Variants in ANK2 observed in about 807,000 individuals in gnomAD.
ANK2 encodes the protein ankyrin 2.
A neutral mutation model predicts 360.5 loss-of-function variants in ANK2; 83 were observed. The ratio of observed to expected loss-of-function variants is 0.23; its 90% CI spans 0.19 to 0.28. The LOEUF (loss-of-function observed/expected upper bound fraction) is 0.28, where lower values mean the gene tolerates loss of function less well. Ranked by LOEUF, ANK2 falls within the 10% of genes least tolerant of loss-of-function variation. The probability of loss-of-function intolerance (pLI) is 1.00; values close to 1 mark genes in which losing one functional copy is unlikely to be tolerated. For synonymous variants in ANK2, 1,740 were observed against 1,759.5 expected, an observed-to-expected ratio of 0.99 and a Z score of 0.28; for missense variants, 4,201 against 4,795.7, an observed-to-expected ratio of 0.88 and a Z score of 3.66.
At chr4:113,372,218 T>C (rs1330859959) in intron 43 of ANK2, among the ~76,000 whole-genome samples, 3 of 152,164 alleles carry the variant, frequency 2.0e-5, no homozygotes, top group Non-Finnish European at 4.4e-5. Context: ...GCTTTTTTTT[T>C]AGGAGTTTAA....
chr4:113,293,530 A>G lies in ANK2; in HGVS notation c.2467A>G (p.Thr823Ala). 6.2e-7 allele frequency: 1 copy of G among 1,612,726 alleles called. No individual in the cohort carries two copies. The highest frequency in any genetic ancestry group is 8.5e-7 in the Non-Finnish European group (1 of 1,179,446). ...LKVVTEEVTT[T>A]TTTITEKHKL... is the part of the protein sequence containing the mutation. ...GGTTGTGACTGAGGAGGTCACCACC[A>G]CCACCACAGTGAGTATGAGTGACTG... Residue 823 changes from threonine to alanine, a missense_variant, in exon 22 of 46, where the codon ACC (threonine) becomes GCC (alanine). Transcript: ENST00000357077.
At chr4:113,281,401 A>G (rs2062295963) in intron 17 of ANK2, among the ~76,000 whole-genome samples, 2 of 151,958 alleles carry the variant, frequency 1.3e-5, no homozygotes, top group Non-Finnish European at 2.9e-5. Flanking sequence ...TTAGCCAGTC[A>G]TGGTGGTGTG....
At chr4:113,313,476 C>G (rs188268207) in intron 24 of ANK2, among the ~76,000 whole-genome samples, 1 of 152,154 alleles carries the variant, frequency 6.6e-6, no homozygotes, top group Non-Finnish European at 1.5e-5. Context: ...ATGAAACAAA[C>G]AAGACATACT....
chr4:113,341,639 A>C, intron 32 of ANK2, 49 bp from the exon 33 acceptor site: 1 of 1,582,662 alleles, frequency 6.3e-7, no homozygotes, highest in African/African-American at 1.3e-5. Context: ...TTTATTTTTC[A>C]CATGGTATAC....
At chr4:113,285,567 G>A (rs77864984) in intron 18 of ANK2, among the ~76,000 whole-genome samples, 6,497 of 152,240 alleles carry the variant, frequency 0.043, 170 homozygotes, top group East Asian at 0.069. Flanking sequence ...GAGACACATA[G>A]GGCAAGGTAT....
intron 11 of ANK2, among the ~76,000 whole-genome samples, chr4:113,256,828 G>A (rs558855749): frequency 4.6e-5 from 7 of 152,122 alleles, no homozygotes; most frequent in South Asian, 2.1e-4. Context: ...TGATAATTAC[G>A]TGGGAAGTGA....
the ANK2 span, among the ~76,000 whole-genome samples, chr4:112,793,770 A>G: frequency 6.6e-6 from 1 of 150,464 alleles, no homozygotes; most frequent in African/African-American, 2.4e-5. Context: ...CAGTGGTGCA[A>G]TCTGGACTCA....
intron 1 of ANK2, among the ~76,000 whole-genome samples, chr4:113,095,080 A>G (rs17476342): frequency 0.19 from 29,358 of 152,136 alleles, 3,746 homozygotes; most frequent in Non-Finnish European, 0.29. Flanking sequence ...GGGCTGGTGA[A>G]ATAGAACATT....
chr4:113,258,168 A>G lies in ANK2; in HGVS notation c.1287+20A>G, dbSNP rs781214755. 1 of 1,594,822 alleles carries G rather than the reference A, an allele frequency of 6.3e-7. No individual in the cohort carries two copies. Among genetic ancestry groups the G allele is most frequent in the Admixed American group, 1.7e-5 (1 of 59,996 alleles). Reference sequence around the variant, plus strand: ...ACAGAGGTAGAAAAATGTTTTAGCTAGTCACAAAGCATTCCTTCTCTTACT... The same window carrying G: ...ACAGAGGTAGAAAAATGTTTTAGCTGGTCACAAAGCATTCCTTCTCTTACT... On this transcript the variant is annotated intron_variant, in intron 12 of 45. Transcript: ENST00000357077.
At chr4:112,863,962 A>G (rs2069187168) in intron 1 of ANK2, among the ~76,000 whole-genome samples, 1 of 152,220 alleles carries the variant, frequency 6.6e-6, no homozygotes, top group South Asian at 2.1e-4. Context: ...TTATTCAAAG[A>G]ATTACTAAGA....
At chr4:112,862,030 TTCTTCAACTTC>T (rs1351482880) in intron 1 of ANK2, among the ~76,000 whole-genome samples, 1 of 152,234 alleles carries the variant, frequency 6.6e-6, no homozygotes, top group African/African-American at 2.4e-5. Context: ...CTGGGGCAAG[TTCTTCAACTTC>T]TCTGCCTCAG....
intron 5 of ANK2, among the ~76,000 whole-genome samples, chr4:113,232,563 T>C (rs922266855): frequency 1.3e-5 from 2 of 152,194 alleles, no homozygotes; most frequent in Non-Finnish European, 2.9e-5. Flanking sequence ...CAGTAAATTC[T>C]ACTCATCTCT....
intron 9 of ANK2, 60 bp from the exon 10 acceptor site, chr4:113,249,704 A>G (rs2153600912): frequency 6.6e-6 from 10 of 1,509,810 alleles, no homozygotes; most frequent in Non-Finnish European, 9.2e-6. Flanking sequence ...TGGTTGCAAT[A>G]GATGAAATAT....
intron 1 of ANK2, among the ~76,000 whole-genome samples, chr4:112,858,174 T>C (rs1159356517): frequency 6.6e-6 from 1 of 152,190 alleles, no homozygotes; most frequent in East Asian, 1.9e-4. Flanking sequence ...TCATCAGTTC[T>C]AGTATCCTTT....
At chr4:113,049,193 T>C (rs987058505), upstream of ANK2, among the ~76,000 whole-genome samples, 4 of 152,180 alleles carry the variant, frequency 2.6e-5, no homozygotes, top group Admixed American at 2.6e-4. Context: ...ACCAAGTGAA[T>C]GACATCTGAA....
chr4:113,146,808 A>G (rs372040730), intron 1 of ANK2, among the ~76,000 whole-genome samples: 1 of 152,202 alleles, frequency 6.6e-6, no homozygotes, highest in Admixed American at 6.5e-5. Context: ...CATGAAAATA[A>G]ATAGCTGGTT....
intron 2 of ANK2, among the ~76,000 whole-genome samples, chr4:113,035,422 G>A (rs910348105): frequency 6.6e-6 from 1 of 151,816 alleles, no homozygotes; most frequent in Non-Finnish European, 1.5e-5. Flanking sequence ...AAGAAAATAG[G>A]TATTTTTTAA....
At chr4:112,948,643 T>G (rs778539098) in intron 2 of ANK2, among the ~76,000 whole-genome samples, 2 of 152,226 alleles carry the variant, frequency 1.3e-5, no homozygotes, top group Non-Finnish European at 2.9e-5. Context: ...GGCTATCATC[T>G]CAAGTCATCT....
At position 113,288,446 on chromosome 4, in the gene ANK2, T is replaced by G. The variant is rs760469731; in HGVS notation, c.2237T>G (p.Phe746Cys). The G allele has an allele frequency of 6.2e-7, 1 of 1,614,008 alleles. No individual in the cohort carries two copies. The highest frequency in any genetic ancestry group is 2.2e-5 in the East Asian group (1 of 44,854). Residue 746 changes from phenylalanine to cysteine, a missense_variant, in exon 20 of 46, where the codon TTT (phenylalanine) becomes TGT (cysteine). Transcript: ENST00000357077. ...CHYGNVKMVN[F>C]LLKQGANVNA... Reference sequence around the variant, plus strand: ...TATGGAAATGTGAAAATGGTCAACTTTCTTCTGAAGCAGGGAGCAAATGTT... The same window carrying G: ...TATGGAAATGTGAAAATGGTCAACTGTCTTCTGAAGCAGGGAGCAAATGTT...
Sources: gnomAD v4.1 joint callset for allele counts (sites outside exome capture counted in the v4.1 genomes callset) on GRCh38, gnomAD v4.1.1 for gene constraint, MANE v1.5 for transcripts, NCBI Gene and HGNC (gene_info 2026-07-23, HGNC 2026-07-21) for gene names.